PAK4: variants seen among roughly 807,000 people sequenced by gnomAD.
The protein encoded by PAK4 is p21 (RAC1) activated kinase 4.
PAK4 carries 49 observed loss-of-function variants against 53.5 expected under a neutral mutation model. The ratio of observed to expected loss-of-function variants is 0.92; its 90% CI spans 0.73 to 1.16. The LOEUF (loss-of-function observed/expected upper bound fraction) is 1.16. Among genes scored for constraint, PAK4 ranks in the 50% most tolerant of loss-of-function variants. PAK4 has a pLI of 0.00. For missense variants in PAK4, 824 were observed against 850.7 expected, an observed-to-expected ratio of 0.97 and a Z score of 0.39; for synonymous variants, 376 against 375.6, an observed-to-expected ratio of 1.00 and a Z score of -0.01.
downstream of PAK4, chr19:39,180,251 C>T (rs1041009144): frequency 1.3e-5 from 2 of 152,178 alleles, no homozygotes; most frequent in South Asian, 4.1e-4. Context: ...AGAGTGAAAC[C>T]CAGCGGTGCA....
chr19:39,148,472 T>TTTTTTTTTTC (rs2074041526), intron 1 of PAK4, among the ~76,000 whole-genome samples: 1 of 104,156 alleles, frequency 9.6e-6, no homozygotes, highest in Non-Finnish European at 1.9e-5. Context: ...TCTGCTTTTT[T>TTTTTTTTTTC]TTTTTTTTTT....
At chr19:39,141,918 C>G (rs1423144990) in intron 1 of PAK4, among the ~76,000 whole-genome samples, 1 of 152,232 alleles carries the variant, frequency 6.6e-6, no homozygotes, top group Non-Finnish European at 1.5e-5. Flanking sequence ...TGAGCCACGG[C>G]GCCCGGCCCA....
chr19:39,132,004 G>C (rs2073721238), intron 1 of PAK4, among the ~76,000 whole-genome samples: 1 of 152,102 alleles, frequency 6.6e-6, no homozygotes, highest in Non-Finnish European at 1.5e-5. Context: ...TGGTGCGTTC[G>C]ATGGTTTCCG....
intron 1 of PAK4, among the ~76,000 whole-genome samples, chr19:39,164,277 CAAAAAAAAAA>C (rs57848634): frequency 3.9e-5 from 3 of 77,750 alleles, no homozygotes; most frequent in East Asian, 6.5e-4. Context: ...AACTCTGTCT[CAAAAAAAAAA>C]AAAAAAAAAA....
chr19:39,176,531 C>T, intron 6 of PAK4, 59 bp from the exon 8 acceptor site: 1 of 1,609,316 alleles, frequency 6.2e-7, no homozygotes, highest in Non-Finnish European at 8.5e-7. Context: ...GGCAGACGCC[C>T]CTGCTCGCCC....
chr19:39,168,205 T>C (rs997533652), intron 1 of PAK4, 25 bp from the exon 2 acceptor site: 1 of 152,254 alleles, frequency 6.6e-6, no homozygotes, highest in Non-Finnish European at 1.5e-5. Flanking sequence ...AGTGAGTGAA[T>C]GGATGCATTC....
At chr19:39,153,988 A>C (rs1456383715) in intron 1 of PAK4, among the ~76,000 whole-genome samples, 1 of 152,122 alleles carries the variant, frequency 6.6e-6, no homozygotes, top group African/African-American at 2.4e-5. Flanking sequence ...TGAACCTTAA[A>C]GTCCGAGGAT....
intron 1 of PAK4, among the ~76,000 whole-genome samples, chr19:39,133,854 C>T (rs1042897889): frequency 1.3e-5 from 2 of 152,350 alleles, no homozygotes; most frequent in East Asian, 1.9e-4. Flanking sequence ...GGAAGGCGGC[C>T]GGTCTTCCTG....
At chr19:39,138,613 C>G (rs1166971850) in intron 1 of PAK4, among the ~76,000 whole-genome samples, 2 of 152,306 alleles carry the variant, frequency 1.3e-5, no homozygotes, top group East Asian at 3.9e-4. Context: ...TGCCGTGCAC[C>G]CTGGGTTTAG....
At chr19:39,158,333 A>G in intron 1 of PAK4, among the ~76,000 whole-genome samples, 1 of 152,012 alleles carries the variant, frequency 6.6e-6, no homozygotes, top group East Asian at 1.9e-4. Flanking sequence ...TGCCTGGTGT[A>G]TGTCCTGGCG....
intron 2 of PAK4, 60 bp from the exon 4 acceptor site, chr19:39,172,858 G>A: frequency 7.3e-7 from 1 of 1,370,342 alleles, no homozygotes. Context: ...CGTGTCGGAT[G>A]CACGTCCTGT....
chr19:39,156,877 A>C (rs2074192362), intron 1 of PAK4: 1 of 151,408 alleles, frequency 6.6e-6, no homozygotes, highest in Non-Finnish European at 1.5e-5. Flanking sequence ...TCGGGAGGGG[A>C]GGGGGAGGGC....
intron 7 of PAK4, 81 bp from the exon 9 acceptor site, chr19:39,177,594 T>C: frequency 6.8e-7 from 1 of 1,460,300 alleles, no homozygotes; most frequent in South Asian, 1.4e-5. Context: ...GAGACAGCGC[T>C]GGAGCGGTCC....
intron 1 of PAK4, among the ~76,000 whole-genome samples, chr19:39,154,014 G>GT (rs1267464119): frequency 6.6e-6 from 1 of 152,174 alleles, no homozygotes; most frequent in African/African-American, 2.4e-5. Context: ...ATTGTTCGAT[G>GT]TTTTTGCCTC....
chr19:39,170,176 G>A (rs975215058), intron 2 of PAK4, among the ~76,000 whole-genome samples: 2 of 152,194 alleles, frequency 1.3e-5, no homozygotes, highest in Non-Finnish European at 2.9e-5. Flanking sequence ...GGGCTTGGGT[G>A]GGGGAGCCCG....
chr19:39,176,605 T>G (rs1429887333), exon 7 of PAK4: 16 of 1,613,722 alleles, frequency 9.9e-6, no homozygotes, highest in Non-Finnish European at 1.3e-5. Context: ...GCTGTCAGAC[T>G]TTGGGTTCTG....
In PAK4 at chr19:39,173,166, G is replaced by A. The variant is rs1333031985; in HGVS notation, c.453G>A (p.Arg151=). ...AGGCGGGTGGCGGCAGTGGTGACAG[G>A]CGACGGGCGGGGCCAGAGAAGAGGC... Residue 151 remains arginine (R), a synonymous_variant, in exon 3 of 9, where the codon AGG becomes AGA. Coordinates refer to ENST00000358301, the Ensembl canonical transcript of PAK4. The surrounding 1 kb of genome is among the most constrained non-coding windows in gnomAD (Gnocchi z 6.9). 4 of 1,540,398 alleles carry A rather than the reference G, an allele frequency of 2.6e-6. No individual in the cohort carries two copies. The highest frequency in any genetic ancestry group is 2.0e-5 in the Admixed American group (1 of 50,272).
intron 2 of PAK4, among the ~76,000 whole-genome samples, chr19:39,169,981 C>T (rs1355153192): frequency 1.3e-5 from 2 of 151,970 alleles, no homozygotes; most frequent in Non-Finnish European, 2.9e-5. Context: ...GAGCCTCCCC[C>T]ACGGCCCATC....
chr19:39,165,556 T>TAAATAAATAAAATAA, intron 1 of PAK4, among the ~76,000 whole-genome samples: 1 of 124,088 alleles, frequency 8.1e-6, no homozygotes, highest in East Asian at 2.8e-4. Context: ...ATAAATAAAA[T>TAAATAAATAAAATAA]AATAATAGAC....
Sources: allele counts gnomAD v4.1 joint callset (sites outside exome capture counted in the v4.1 genomes callset), GRCh38; gene constraint gnomAD v4.1.1; non-coding constraint Gnocchi (gnomAD v3.1); transcripts MANE v1.5; gene names NCBI Gene and HGNC (gene_info 2026-07-23, HGNC 2026-07-21).